The following CUX2 variants were observed in gnomAD, a reference collection of about 807,000 sequenced individuals.
CUX2 encodes homeobox protein cut-like 2.
CUX2 carries 40 observed loss-of-function variants against 144.8 expected under a neutral mutation model. The ratio of observed to expected loss-of-function variants is 0.28; its 90% CI spans 0.21 to 0.36. The LOEUF is 0.36. CUX2 is among the 10% of genes least tolerant of loss of function. CUX2 has a pLI of 1.00. For missense variants in CUX2, 1,615 were observed against 1,994.0 expected (o/e 0.81, Z 3.62); for synonymous variants, 827 against 875.6 (o/e 0.94, Z 0.98).
intron 3 of CUX2, among the ~76,000 whole-genome samples, chr12:111,225,846 C>T (rs1882107954): frequency 6.6e-6 from 1 of 152,228 alleles, no homozygotes; most frequent in Non-Finnish European, 1.5e-5. Context: ...GTATCCAGCC[C>T]AGAACTTGGT....
In CUX2 at chr12:111,244,084, C is replaced by T. The variant is rs188391137; in HGVS notation, c.223-19677C>T. Among the ~76,000 whole-genome samples, 693 of 151,836 alleles carry T rather than the reference C, an allele frequency of 4.6e-3. 5 individuals carry two copies. Among genetic ancestry groups the T allele is most frequent in the African/African-American group, 0.016 (670 of 41,252 alleles). On this transcript the variant is annotated intron_variant, in intron 3 of 21. Coordinates refer to ENST00000261726, the MANE Select transcript of CUX2 (RefSeq NM_015267.4). Reference sequence around the variant, plus strand: ...GGTTTTGACTGGTCTGGGTTATTAGCTTTTTGGGTTTTTTTTTGTTTTTGT... The same window carrying T: ...GGTTTTGACTGGTCTGGGTTATTAGTTTTTTGGGTTTTTTTTTGTTTTTGT...
At chr12:111,140,801 T>C (rs1876267014) in intron 1 of CUX2, among the ~76,000 whole-genome samples, 1 of 152,228 alleles carries the variant, frequency 6.6e-6, no homozygotes, top group Admixed American at 6.5e-5. Context: ...ACACTACCTC[T>C]CTGAGCTTCA....
chr12:111,194,716 G>A (rs528557443), intron 1 of CUX2, among the ~76,000 whole-genome samples: 7 of 152,340 alleles, frequency 4.6e-5, no homozygotes, highest in South Asian at 2.1e-4. Context: ...AGGTCACCTC[G>A]GTCCCTGATG....
In CUX2 at chr12:111,298,601, C is replaced by T; in HGVS notation, c.753+12C>T. 6.4e-7 allele frequency: 1 copy of T among 1,561,436 alleles called. No individual in the cohort carries two copies. The highest frequency in any genetic ancestry group is 8.7e-7 in the Non-Finnish European group (1 of 1,151,758). ...AGAAAGCTAATCAGGTGAGGAGGCG[C>T]AGTTCCCACCCGTGGGTGCCAGAGG... On this transcript the variant is annotated intron_variant, in intron 9 of 21. Coordinates refer to ENST00000261726, the MANE Select transcript of CUX2 (RefSeq NM_015267.4).
At chr12:111,212,014 A>G (rs116431838) in intron 1 of CUX2, among the ~76,000 whole-genome samples, 1,556 of 152,296 alleles carry the variant, frequency 0.01, 30 homozygotes, top group African/African-American at 0.036. Flanking sequence ...GATGAGAAAA[A>G]CTAAGAAGAG....
In CUX2 at chr12:111,059,230, G is replaced by C. The variant is rs578004395; in HGVS notation, c.63+24990G>C. Among the ~76,000 whole-genome samples, 1 of 152,230 alleles carries C rather than the reference G, an allele frequency of 6.6e-6. No individual in the cohort carries two copies. The highest frequency in any genetic ancestry group is 2.1e-4 in the South Asian group (1 of 4,830). ...CTGCCACACTGGTCAGCTGGAGGGG[G>C]CCCCTCTTTGCAGGGCTTCTCGGGG... On this transcript the variant is annotated intron_variant, in intron 1 of 21. Transcript: ENST00000261726. The surrounding 1 kb of genome is among the most constrained non-coding windows in gnomAD (Gnocchi z 5.3).
intron 1 of CUX2, among the ~76,000 whole-genome samples, chr12:111,209,191 A>G (rs1040311986): frequency 1.3e-5 from 2 of 152,152 alleles, no homozygotes; most frequent in African/African-American, 4.8e-5. Flanking sequence ...TGAGCCTAGG[A>G]GTTCGAGACC....
intron 1 of CUX2, among the ~76,000 whole-genome samples, chr12:111,060,190 C>T (rs1057464996): frequency 7.9e-5 from 12 of 152,164 alleles, no homozygotes; most frequent in African/African-American, 1.2e-4. Context: ...TGAGGCTGGT[C>T]GTGAGCACCT....
At chr12:111,207,530 GC>G (rs1880986037) in intron 1 of CUX2, among the ~76,000 whole-genome samples, 1 of 152,168 alleles carries the variant, frequency 6.6e-6, no homozygotes, top group Admixed American at 6.5e-5. Context: ...TGAAAGCAGA[GC>G]CCCTGTTTGG....
intron 1 of CUX2, among the ~76,000 whole-genome samples, chr12:111,208,304 G>A (rs981341774): frequency 1.6e-4 from 25 of 152,074 alleles, no homozygotes; most frequent in African/African-American, 4.1e-4. Flanking sequence ...ACAGATAGGC[G>A]GGATCTCAGG....
chr12:111,172,641 C>T (rs1878620853), intron 1 of CUX2, among the ~76,000 whole-genome samples: 1 of 152,210 alleles, frequency 6.6e-6, no homozygotes, highest in South Asian at 2.1e-4. Context: ...GGCTCCGAAC[C>T]TCGAGCTGTC....
At position 111,061,940 on chromosome 12, in the gene CUX2, A is replaced by G. The variant is rs1300318457; in HGVS notation, c.63+27700A>G. ...AATAAGACTTCAGCGCGTGCACTCC[A>G]TCTGTGCCTCAGCTTCCTCGCCTGT... On this transcript the variant is annotated intron_variant, in intron 1 of 21. Coordinates refer to ENST00000261726, the MANE Select transcript of CUX2 (RefSeq NM_015267.4). This position sits in a 1 kb window ranked among gnomAD's most constrained non-coding sequence, Gnocchi z 4.2. 6.6e-6 allele frequency among the ~76,000 whole-genome samples: 1 copy of G among 152,170 alleles called. No homozygotes were observed. Among genetic ancestry groups the G allele is most frequent in the Non-Finnish European group, 1.5e-5 (1 of 68,028 alleles).
intron 9 of CUX2, among the ~76,000 whole-genome samples, chr12:111,302,808 G>C (rs1170608637): frequency 6.6e-6 from 1 of 151,560 alleles, no homozygotes; most frequent in Non-Finnish European, 1.5e-5. Context: ...GCTGAGGCAG[G>C]AGAATTGCTT....
At chr12:111,200,546 C>T (rs967620900) in intron 1 of CUX2, among the ~76,000 whole-genome samples, 51 of 152,004 alleles carry the variant, frequency 3.4e-4, no homozygotes, top group African/African-American at 1.2e-3. Flanking sequence ...GAGCTTCTGT[C>T]GTGGGGTCAT....
intron 1 of CUX2, among the ~76,000 whole-genome samples, chr12:111,180,528 T>G (rs4766549): frequency 0.18 from 27,184 of 152,220 alleles, 2,811 homozygotes; most frequent in East Asian, 0.52. Flanking sequence ...TTCTTTGGAT[T>G]CGTGTCAACA....
intron 1 of CUX2, among the ~76,000 whole-genome samples, chr12:111,088,756 A>T (rs2136051609): frequency 6.6e-6 from 1 of 152,180 alleles, no homozygotes; most frequent in East Asian, 1.9e-4. Context: ...TCTTTCCTCT[A>T]GACGTGCAAC....
intron 1 of CUX2, among the ~76,000 whole-genome samples, chr12:111,148,858 A>G (rs1330270624): frequency 6.6e-6 from 1 of 152,076 alleles, no homozygotes. Flanking sequence ...TTAGCCAGGT[A>G]TGGTGGTGCA....
chr12:111,278,021 G>A (rs1351387915), intron 4 of CUX2, among the ~76,000 whole-genome samples: 1 of 152,134 alleles, frequency 6.6e-6, no homozygotes, highest in Non-Finnish European at 1.5e-5. Context: ...CTTGGCTCAT[G>A]GCCTCTTCTT....
Position 111,289,716 on chromosome 12 carries a change from A to G in CUX2, c.302-1702A>G, listed in dbSNP as rs1005327543. 6.6e-6 allele frequency among the ~76,000 whole-genome samples: 1 copy of G among 152,090 alleles called. No individual in the cohort carries two copies. The highest frequency in any genetic ancestry group is 1.5e-5 in the Non-Finnish European group (1 of 68,020). ...GGGAATTGGTGGACATCTTACATCT[A>G]GATGTGTGTTTTGCCCCCGAAAAAG... On this transcript the variant is annotated intron_variant, in intron 4 of 21. Transcript: ENST00000261726. This position sits in a 1 kb window ranked among gnomAD's most constrained non-coding sequence, Gnocchi z 4.1.
Sources: gnomAD v4.1 joint callset for allele counts (sites outside exome capture counted in the v4.1 genomes callset) on GRCh38, gnomAD v4.1.1 for gene constraint, Gnocchi (gnomAD v3.1) non-coding constraint, MANE v1.5 for transcripts, NCBI Gene and HGNC (gene_info 2026-07-23, HGNC 2026-07-21) for gene names.